Variants in GRIN2B observed in about 807,000 individuals in gnomAD.
GRIN2B encodes glutamate ionotropic receptor NMDA type subunit 2B, also known as glutamate receptor ionotropic, NMDA 2B.
In GRIN2B, 5 loss-of-function variants were observed where a neutral mutation model predicts 114.5. The observed-to-expected ratio is 0.04, with a 90% confidence interval of 0.02 to 0.09. The LOEUF (loss-of-function observed/expected upper bound fraction) is 0.09, where lower values mean the gene tolerates loss of function less well. Among genes scored for constraint, GRIN2B ranks in the 10% least tolerant of loss-of-function variants. GRIN2B has a pLI of 1.00. For missense variants in GRIN2B, 1,108 were observed against 1,943.5 expected (o/e 0.57, Z 8.08); for synonymous variants, 787 against 745.1 (o/e 1.06, Z -0.92).
At chr12:13,610,506 G>T (rs1317110780) in intron 9 of GRIN2B, among the ~76,000 whole-genome samples, 1 of 152,156 alleles carries the variant, frequency 6.6e-6, no homozygotes, top group Non-Finnish European at 1.5e-5. Context: ...ATAGGTCATG[G>T]CTTCTGGATG....
intron 3 of GRIN2B, among the ~76,000 whole-genome samples, chr12:13,802,703 G>A (rs1864537212): frequency 6.6e-6 from 1 of 152,012 alleles, no homozygotes; most frequent in Admixed American, 6.5e-5. Context: ...AAATAGAAAA[G>A]GACTAATACA....
rs72656651 is a variant in GRIN2B at position 13,541,218 on chromosome 12, C to G, written c.*21565G>C. On this transcript the variant is annotated 3_prime_UTR_variant, in exon 14 of 14. Transcript: ENST00000609686. ...CTCTAGCTCCCTTGAAATGTTTCCA[C>G]AAGCGTCAGGGCTACTCTGAAGTAT... is the stretch of plus-strand genomic sequence containing the variant. 0.054 allele frequency: 8,227 copies of G among 152,274 alleles called. 302 individuals are homozygous for G. Among genetic ancestry groups the G allele is most frequent in the East Asian group, 0.18 (917 of 5,162 alleles). 9.4% of individuals were successfully genotyped at this position (152,274 alleles called of 1,614,324 possible). A position where few individuals can be genotyped will look rare whatever the true frequency, so the allele number is the denominator to read the frequency against.
intron 3 of GRIN2B, among the ~76,000 whole-genome samples, chr12:13,755,820 A>C (rs1020386005): frequency 3.3e-5 from 5 of 152,192 alleles, no homozygotes; most frequent in Non-Finnish European, 7.4e-5. Flanking sequence ...GATGGTATCA[A>C]GAGATGAGTG....
intron 2 of GRIN2B, among the ~76,000 whole-genome samples, chr12:13,955,913 G>A (rs1867582365): frequency 6.6e-6 from 1 of 152,180 alleles, no homozygotes; most frequent in Non-Finnish European, 1.5e-5. Flanking sequence ...GGTGGCACCA[G>A]ACGCGTATAT....
At chr12:13,839,930 A>G (rs994378231) in intron 3 of GRIN2B, among the ~76,000 whole-genome samples, 4 of 152,204 alleles carry the variant, frequency 2.6e-5, no homozygotes, top group Non-Finnish European at 5.9e-5. Context: ...AAATACGCAT[A>G]TGCATGTATA....
At chr12:13,616,756 A>C (rs1949448526) in intron 5 of GRIN2B, 99 bp from the exon 6 acceptor site, 1 of 927,548 alleles carries the variant, frequency 1.1e-6, no homozygotes, top group Non-Finnish European at 1.8e-6. Context: ...GCAGTTGAAC[A>C]AAAGCCAACA....
In GRIN2B at chr12:13,546,823, A is replaced by G. The variant is rs993465075; in HGVS notation, c.*15960T>C. The G allele has an allele frequency of 6.6e-6, 1 of 152,176 alleles. No homozygotes were observed. The highest frequency in any genetic ancestry group is 1.5e-5 in the Non-Finnish European group (1 of 68,052). The allele number at this position is 152,176 out of a possible 1,614,324, so 9.4% of individuals were successfully genotyped here. ...GGCTTGTGCCTTGAAATAAATTTAAAAAGAGAGAACAAGAAAAGCCACAAA... is the reference window on the plus strand; with the variant it reads ...GGCTTGTGCCTTGAAATAAATTTAAGAAGAGAGAACAAGAAAAGCCACAAA... On this transcript the variant is annotated 3_prime_UTR_variant, in exon 14 of 14. Coordinates refer to ENST00000609686, the MANE Select transcript of GRIN2B (RefSeq NM_000834.5).
At chr12:13,906,065 C>A (rs1459544237) in intron 2 of GRIN2B, among the ~76,000 whole-genome samples, 4 of 152,184 alleles carry the variant, frequency 2.6e-5, no homozygotes, top group Admixed American at 2.0e-4. Context: ...GTAAACAGAG[C>A]TCCCAATACT....
intron 13 of GRIN2B, among the ~76,000 whole-genome samples, chr12:13,565,744 T>C (rs1175320123): frequency 1.3e-5 from 2 of 152,112 alleles, no homozygotes; most frequent in African/African-American, 4.8e-5. Flanking sequence ...TGGATGGGAA[T>C]GAGAGGGGAG....
intron 3 of GRIN2B, among the ~76,000 whole-genome samples, 167 bp from the exon 4 acceptor site, chr12:13,754,082 G>A (rs1290529760): frequency 6.6e-6 from 1 of 152,064 alleles, no homozygotes; most frequent in Non-Finnish European, 1.5e-5. Flanking sequence ...TATTTAAATT[G>A]CAGATATTTG....
At chr12:13,967,156 C>T (rs1215208135) in intron 2 of GRIN2B, among the ~76,000 whole-genome samples, 2 of 152,232 alleles carry the variant, frequency 1.3e-5, no homozygotes. Context: ...GGAAGACTGT[C>T]TTGGCTGTGT....
chr12:13,834,350 TCTAGAA>T (rs1335162926), intron 3 of GRIN2B, among the ~76,000 whole-genome samples: 1 of 151,882 alleles, frequency 6.6e-6, no homozygotes, highest in Non-Finnish European at 1.5e-5. Context: ...TTAGCTAACT[TCTAGAA>T]CTAGAAGAGG....
chr12:13,797,925 T>C (rs1278235713), intron 3 of GRIN2B, among the ~76,000 whole-genome samples: 1 of 152,212 alleles, frequency 6.6e-6, no homozygotes, highest in Admixed American at 6.5e-5. Context: ...TATTTAATTC[T>C]CTACCATCAC....
intron 2 of GRIN2B, among the ~76,000 whole-genome samples, chr12:13,923,687 C>G (rs772116382): frequency 6.6e-6 from 1 of 152,148 alleles, no homozygotes; most frequent in African/African-American, 2.4e-5. Flanking sequence ...CAGCCCTGCT[C>G]TCTTGGGTAG....
chr12:13,922,261 G>A (rs528927842), intron 2 of GRIN2B, among the ~76,000 whole-genome samples: 3 of 152,266 alleles, frequency 2.0e-5, no homozygotes, highest in South Asian at 4.1e-4. Context: ...TTGAGACATG[G>A]TGTCTCCAGT....
chr12:13,930,328 G>C (rs1867004414), intron 2 of GRIN2B, among the ~76,000 whole-genome samples: 2 of 152,130 alleles, frequency 1.3e-5, no homozygotes, highest in Non-Finnish European at 2.9e-5. Flanking sequence ...TTTCAATGGG[G>C]GCATTTGGCC....
Position 13,568,978 on chromosome 12 carries a change from A to G in GRIN2B, c.2359+852T>C, listed in dbSNP as rs1948674249. Among the ~76,000 whole-genome samples the G allele has an allele frequency of 3.3e-5, 5 of 152,286 alleles. No individual in the cohort carries two copies. The South Asian group carries it at 1.0e-3, about 32-fold the overall frequency. ...AGAGCAAGATGGGAGAGCAGGAAGA[A>G]TGAAGAGATGGCCGCAAGTTTATTT... On this transcript the variant is annotated intron_variant, in intron 12 of 13. Coordinates refer to ENST00000609686, the MANE Select transcript of GRIN2B (RefSeq NM_000834.5).
Position 13,753,403 on chromosome 12 carries a change from C to G in GRIN2B, c.924G>C (p.Leu308=), listed in dbSNP as rs199518756. ...GCTCAGGGATGAAGCTGTGCTCAGA[C>G]AGCATGTCAGAAGCAGCAGTGGTGA... is the stretch of plus-strand genomic sequence containing the variant. ...AIITTAASDM[L]SEHSFIPEPK... is the part of the protein sequence containing the mutation. Residue 308 remains leucine (L), a synonymous_variant, in exon 4 of 14, where the codon CTG becomes CTC. Coordinates refer to ENST00000609686, the MANE Select transcript of GRIN2B (RefSeq NM_000834.5). The surrounding 1 kb of genome is among the most constrained non-coding windows in gnomAD (Gnocchi z 6.2). 1 of 1,614,078 alleles carries G rather than the reference C, an allele frequency of 6.2e-7. No individual in the cohort carries two copies. The highest frequency in any genetic ancestry group is 1.7e-5 in the Admixed American group (1 of 60,020).
intron 5 of GRIN2B, among the ~76,000 whole-genome samples, chr12:13,672,178 A>G (rs1406970113): frequency 6.6e-6 from 1 of 152,164 alleles, no homozygotes; most frequent in Admixed American, 6.5e-5. Flanking sequence ...AGTTAGCACT[A>G]GAAAGGACCC....
Sources: allele counts gnomAD v4.1 joint callset (sites outside exome capture counted in the v4.1 genomes callset), GRCh38; gene constraint gnomAD v4.1.1; non-coding constraint Gnocchi (gnomAD v3.1); transcripts MANE v1.5; gene names NCBI Gene and HGNC (gene_info 2026-07-23, HGNC 2026-07-21).